The following GABRG2 variants were observed in gnomAD, a reference collection of about 807,000 sequenced individuals.
GABRG2 encodes the protein gamma-aminobutyric acid receptor subunit gamma-2.
Under a neutral mutation model 56.4 loss-of-function variants are expected in GABRG2, and 16 were observed. The observed-to-expected ratio is 0.28, with a 90% CI of 0.19 to 0.43. The LOEUF (loss-of-function observed/expected upper bound fraction) is 0.43, where lower values mean the gene tolerates loss of function less well. Among genes scored for constraint, GABRG2 ranks in the 20% least tolerant of loss-of-function variants. GABRG2 has a pLI of 1.00. For missense variants in GABRG2, 327 were observed against 582.7 expected (o/e 0.56, Z 4.52); for synonymous variants, 208 against 205.5 (o/e 1.01, Z -0.10).
intron 1 of GABRG2, among the ~76,000 whole-genome samples, chr5:162,083,287 A>T (rs1759804798): frequency 1.3e-5 from 2 of 151,772 alleles, no homozygotes; most frequent in African/African-American, 4.8e-5. Flanking sequence ...CTTCATTTTC[A>T]TACACTTGTT....
intron 6 of GABRG2, among the ~76,000 whole-genome samples, chr5:162,120,035 G>T (rs1433256578): frequency 1.3e-5 from 2 of 152,042 alleles, no homozygotes; most frequent in Non-Finnish European, 2.9e-5. Flanking sequence ...TGGGAGAAAT[G>T]TATCTGCAGC....
chr5:162,086,721 G>A (rs1760149492), intron 1 of GABRG2, among the ~76,000 whole-genome samples: 1 of 151,832 alleles, frequency 6.6e-6, no homozygotes, highest in African/African-American at 2.4e-5. Flanking sequence ...ATAATGTCTA[G>A]ACATCTTTTG....
intron 6 of GABRG2, among the ~76,000 whole-genome samples, chr5:162,112,424 A>T (rs1004897968): frequency 3.3e-5 from 5 of 151,652 alleles, no homozygotes; most frequent in Non-Finnish European, 5.9e-5. Flanking sequence ...TTTTTTGAAA[A>T]TGCAAAAATG....
intron 7 of GABRG2, among the ~76,000 whole-genome samples, chr5:162,144,092 C>G (rs764651292): frequency 1.3e-5 from 2 of 152,188 alleles, no homozygotes; most frequent in Non-Finnish European, 2.9e-5. Flanking sequence ...GAGCCTATTA[C>G]TTTCGGACTA....
chr5:162,093,362 G>A (rs1412596173), intron 1 of GABRG2, among the ~76,000 whole-genome samples: 1 of 152,116 alleles, frequency 6.6e-6, no homozygotes. Context: ...GGAGAGGCAT[G>A]TCTGGCAGTT....
intron 6 of GABRG2, among the ~76,000 whole-genome samples, chr5:162,114,679 T>G (rs1394317254): frequency 6.6e-6 from 1 of 152,182 alleles, no homozygotes; most frequent in Non-Finnish European, 1.5e-5. Flanking sequence ...TGCAAAGAAG[T>G]GCCAGAATTT....
At chr5:162,130,405 G>C (rs1339809685) in intron 6 of GABRG2, among the ~76,000 whole-genome samples, 1 of 151,806 alleles carries the variant, frequency 6.6e-6, no homozygotes, top group Non-Finnish European at 1.5e-5. Flanking sequence ...TGCTTTCAAA[G>C]CCATTTTAGA....
intron 6 of GABRG2, among the ~76,000 whole-genome samples, chr5:162,106,918 GT>G (rs1386681391): frequency 7.1e-5 from 7 of 98,556 alleles, no homozygotes; most frequent in African/African-American, 2.9e-4. Context: ...TGTGTCTTGG[GT>G]GGGGGGTTGT....
At chr5:162,067,646 G>A (rs551085504), upstream of GABRG2, 4 of 557,544 alleles carry the variant, frequency 7.2e-6, no homozygotes, top group African/African-American at 3.7e-5. Flanking sequence ...GAACGCGTAA[G>A]TGTGAGGGGC....
At chr5:162,152,441 G>T (rs1346112269) in intron 9 of GABRG2, 1 of 480,654 alleles carries the variant, frequency 2.1e-6, no homozygotes, top group Non-Finnish European at 4.1e-6. Flanking sequence ...CAGGAAATTT[G>T]ACAAGTAGTA....
At chr5:162,116,825 A>T (rs1439003453) in intron 6 of GABRG2, among the ~76,000 whole-genome samples, 1 of 152,154 alleles carries the variant, frequency 6.6e-6, no homozygotes, top group Non-Finnish European at 1.5e-5. Context: ...ATATGGGACC[A>T]TAACTTTGAC....
At chr5:162,127,575 T>A (rs1397452822) in intron 6 of GABRG2, among the ~76,000 whole-genome samples, 1 of 151,908 alleles carries the variant, frequency 6.6e-6, no homozygotes, top group Non-Finnish European at 1.5e-5. Flanking sequence ...AATGAATGAA[T>A]GAATGACAAT....
chr5:162,084,648 T>G (rs914310765), intron 1 of GABRG2, among the ~76,000 whole-genome samples: 1 of 152,026 alleles, frequency 6.6e-6, no homozygotes, highest in South Asian at 2.1e-4. Context: ...GCCTATGTCT[T>G]ATTTTGAAAA....
At chr5:162,096,683 G>A (rs981294619) in intron 3 of GABRG2, among the ~76,000 whole-genome samples, 1 of 151,316 alleles carries the variant, frequency 6.6e-6, no homozygotes, top group Admixed American at 6.6e-5. Context: ...AAAGAAAACA[G>A]AACAATGTGA....
rs1163743101 is a variant in GABRG2 at position 162,154,164 on chromosome 5, A to C, written c.*796A>C. The C allele has an allele frequency of 1.3e-5, 2 of 152,204 alleles. No individual in the cohort carries two copies. Among genetic ancestry groups the C allele is most frequent in the Non-Finnish European group, 2.9e-5 (2 of 68,038 alleles). The allele number at this position is 152,204 out of a possible 1,614,324, so 9.4% of individuals were successfully genotyped here. On this transcript the variant is annotated 3_prime_UTR_variant, in exon 10 of 10. Transcript: ENST00000639213. ...TATTACAACACTTTAAGTAAAATAT[A>C]GACTGGATAATCAACATTTGCCACC... is the stretch of plus-strand genomic sequence containing the variant.
At chr5:162,143,511 C>A (rs887518064) in intron 7 of GABRG2, among the ~76,000 whole-genome samples, 9 of 152,084 alleles carry the variant, frequency 5.9e-5, no homozygotes, top group African/African-American at 2.2e-4. Flanking sequence ...TTTTTAAAAC[C>A]TTAACTAAAA....
At chr5:162,089,914 G>T (rs1760427290) in intron 1 of GABRG2, among the ~76,000 whole-genome samples, 1 of 152,064 alleles carries the variant, frequency 6.6e-6, no homozygotes, top group African/African-American at 2.4e-5. Flanking sequence ...TCCAGAAACT[G>T]CATGACTAAT....
chr5:162,142,046 C>T (rs1764605516), intron 6 of GABRG2, 118 bp from the exon 7 acceptor site: 2 of 1,276,572 alleles, frequency 1.6e-6, no homozygotes, highest in Non-Finnish European at 2.3e-6. Flanking sequence ...TTCAACATAC[C>T]ACTTGTAGAA....
chr5:162,112,473 A>G (rs1762323204), intron 6 of GABRG2, among the ~76,000 whole-genome samples: 1 of 152,150 alleles, frequency 6.6e-6, no homozygotes, highest in East Asian at 1.9e-4. Context: ...ATGATACTCT[A>G]CACATAAACT....
Sources: allele counts gnomAD v4.1 joint callset (sites outside exome capture counted in the v4.1 genomes callset), GRCh38; gene constraint gnomAD v4.1.1; transcripts MANE v1.5; gene names NCBI Gene and HGNC (gene_info 2026-07-23, HGNC 2026-07-21).